Variants in SNTG1 observed in about 807,000 individuals in gnomAD.
The protein encoded by SNTG1 is syntrophin gamma 1.
A neutral mutation model predicts 74.7 loss-of-function variants in SNTG1; 39 were observed. The observed-to-expected ratio is 0.52, with a 90% CI of 0.40 to 0.68. The LOEUF (loss-of-function observed/expected upper bound fraction) is 0.68. Ranked by LOEUF, SNTG1 falls within the 30% of genes least tolerant of loss-of-function variation. SNTG1 has a pLI of 0.00. For missense variants in SNTG1, 685 were observed against 609.5 expected, an observed-to-expected ratio of 1.12 and a Z score of -1.30; for synonymous variants, 254 against 217.1, an observed-to-expected ratio of 1.17 and a Z score of -1.49.
chr8:50,647,393 G>A lies in SNTG1; in HGVS notation c.850-9516G>A, dbSNP rs560710658. Among the ~76,000 whole-genome samples, 3 of 151,406 alleles carry A rather than the reference G, an allele frequency of 2.0e-5. No homozygotes were observed. In the South Asian group the frequency reaches 6.3e-4, roughly 32 times the overall value. ...AAAGGAAACATCCAATTAGAAACAG[G>A]CAAAATACCTGAACAAGCACCTCAT... On this transcript the variant is annotated intron_variant, in intron 13 of 18. Coordinates refer to ENST00000642720, the MANE Select transcript of SNTG1 (RefSeq NM_018967.5).
At chr8:50,782,064 C>T (rs10109572) in intron 18 of SNTG1, among the ~76,000 whole-genome samples, 17,286 of 152,170 alleles carry the variant, frequency 0.11, 2,933 homozygotes, top group African/African-American at 0.37. Context: ...CAGTTTCTGC[C>T]GAGATATCCA....
intron 1 of SNTG1, among the ~76,000 whole-genome samples, chr8:50,098,018 A>G (rs1443571660): frequency 6.6e-6 from 1 of 152,174 alleles, no homozygotes; most frequent in African/African-American, 2.4e-5. Context: ...AATTTTTTCT[A>G]CTTCCTACTT....
intron 13 of SNTG1, among the ~76,000 whole-genome samples, chr8:50,599,316 T>G: frequency 6.6e-6 from 1 of 152,102 alleles, no homozygotes; most frequent in East Asian, 1.9e-4. Flanking sequence ...GTTTTCTTCT[T>G]TTTGCTCAGG....
At chr8:50,130,776 G>A (rs2081291265) in intron 1 of SNTG1, among the ~76,000 whole-genome samples, 1 of 152,006 alleles carries the variant, frequency 6.6e-6, no homozygotes, top group Non-Finnish European at 1.5e-5. Context: ...AAACATTTGG[G>A]TAAACATAAA....
At chr8:50,116,854 C>T (rs1380888610) in intron 1 of SNTG1, among the ~76,000 whole-genome samples, 2 of 152,122 alleles carry the variant, frequency 1.3e-5, no homozygotes, top group South Asian at 2.1e-4. Flanking sequence ...TTACTTATGA[C>T]TCTACCTGAC....
chr8:50,552,971 T>G (rs1334955182), intron 11 of SNTG1, 79 bp from the exon 12 acceptor site: 1 of 1,538,148 alleles, frequency 6.5e-7, no homozygotes, highest in Non-Finnish European at 8.9e-7. Flanking sequence ...AAAGATAAGC[T>G]TTTCAACAGA....
chr8:50,614,797 C>T (rs528931608), intron 13 of SNTG1, among the ~76,000 whole-genome samples: 1 of 152,024 alleles, frequency 6.6e-6, no homozygotes, highest in African/African-American at 2.4e-5. Flanking sequence ...TCATTTTGTT[C>T]CATTAGCAAA....
chr8:50,635,029 C>T (rs554055985), intron 13 of SNTG1, among the ~76,000 whole-genome samples: 1 of 152,218 alleles, frequency 6.6e-6, no homozygotes, highest in East Asian at 1.9e-4. Flanking sequence ...CATGCTCCTC[C>T]CAAATGTAAA....
intron 12 of SNTG1, among the ~76,000 whole-genome samples, chr8:50,560,968 G>A (rs1351482): frequency 0.61 from 92,306 of 152,102 alleles, 30,754 homozygotes; most frequent in East Asian, 0.78. Flanking sequence ...TGGATTTGAA[G>A]CTTTTAGACT....
At chr8:50,540,624 T>A (rs2094339941) in intron 11 of SNTG1, among the ~76,000 whole-genome samples, 1 of 152,288 alleles carries the variant, frequency 6.6e-6, no homozygotes, top group South Asian at 2.1e-4. Context: ...GATCTGTGTG[T>A]TTCTCTACAT....
At chr8:50,707,364 T>C (rs889692615) in intron 16 of SNTG1, among the ~76,000 whole-genome samples, 5 of 152,092 alleles carry the variant, frequency 3.3e-5, no homozygotes, top group African/African-American at 1.2e-4. Flanking sequence ...TGCTAATAGG[T>C]GGATGTAAGC....
At chr8:49,990,554 A>G (rs1039442366) in intron 1 of SNTG1, among the ~76,000 whole-genome samples, 10 of 152,156 alleles carry the variant, frequency 6.6e-5, no homozygotes, top group African/African-American at 2.2e-4. Context: ...CATAAAATAC[A>G]TAATGTATTA....
intron 1 of SNTG1, among the ~76,000 whole-genome samples, chr8:49,934,544 A>G (rs551123261): frequency 2.4e-4 from 37 of 152,304 alleles, no homozygotes; most frequent in Admixed American, 7.8e-4. Context: ...AAGAGACCTC[A>G]GAGAGAAGGT....
chr8:50,312,393 T>C lies in SNTG1; in HGVS notation c.-27-81819T>C, dbSNP rs7817305. 4.6e-3 allele frequency among the ~76,000 whole-genome samples: 708 copies of C among 152,274 alleles called. 6 individuals carry two copies. Among genetic ancestry groups the C allele is most frequent in the African/African-American group, 0.015 (641 of 41,558 alleles). On this transcript the variant is annotated intron_variant, in intron 2 of 18. Transcript: ENST00000642720. ...TAGCTTATTTCTCCAATAATCTTGATATGAAATTTTGGTATAATTTTTTAA... is the reference window on the plus strand; with the variant it reads ...TAGCTTATTTCTCCAATAATCTTGACATGAAATTTTGGTATAATTTTTTAA...
At chr8:50,522,225 T>C (rs1372475410) in intron 9 of SNTG1, among the ~76,000 whole-genome samples, 1 of 152,160 alleles carries the variant, frequency 6.6e-6, no homozygotes, top group Admixed American at 6.6e-5. Context: ...ATCTTTTTCA[T>C]CTTCATCAGT....
chr8:50,204,910 T>C (rs575817506), intron 2 of SNTG1, among the ~76,000 whole-genome samples: 1 of 152,326 alleles, frequency 6.6e-6, no homozygotes, highest in South Asian at 2.1e-4. Context: ...CATCCTTTTT[T>C]ATGGCTGCAT....
intron 2 of SNTG1, among the ~76,000 whole-genome samples, chr8:50,205,336 T>G (rs904374538): frequency 6.6e-6 from 1 of 152,244 alleles, no homozygotes; most frequent in Non-Finnish European, 1.5e-5. Context: ...ATGAACATTT[T>G]TTCATGTGTC....
At chr8:50,027,586 G>T (rs1157837650) in intron 1 of SNTG1, among the ~76,000 whole-genome samples, 1 of 152,188 alleles carries the variant, frequency 6.6e-6, no homozygotes, top group Non-Finnish European at 1.5e-5. Context: ...CCAGCCAGGG[G>T]CTGCTGACCA....
In SNTG1 at chr8:50,240,243, T is replaced by C. The variant is rs546610003; in HGVS notation, c.-28+67608T>C. Among the ~76,000 whole-genome samples the C allele has an allele frequency of 9.2e-5, 14 of 152,300 alleles. 1 individual carries two copies. The highest frequency in any genetic ancestry group is 3.1e-4 in the African/African-American group (13 of 41,576). On this transcript the variant is annotated intron_variant, in intron 2 of 18. Coordinates refer to ENST00000642720, the MANE Select transcript of SNTG1 (RefSeq NM_018967.5). ...TGCTCCTGAAATGCAGGCAAGGCTT[T>C]GCGTATTGTTTGCTTTCACAAGGAT...
Sources: gnomAD v4.1 joint callset for allele counts (sites outside exome capture counted in the v4.1 genomes callset) on GRCh38, gnomAD v4.1.1 for gene constraint, MANE v1.5 for transcripts, NCBI Gene and HGNC (gene_info 2026-07-23, HGNC 2026-07-21) for gene names.